The following NCAM1 variants were observed in gnomAD, a reference collection of about 807,000 sequenced individuals.
NCAM1 encodes the protein neural cell adhesion molecule 1.
NCAM1 carries 14 observed loss-of-function variants against 109.8 expected under a neutral mutation model. The ratio of observed to expected loss-of-function variants is 0.13; its 90% CI spans 0.08 to 0.20. The LOEUF is 0.20. Ranked by LOEUF, NCAM1 falls within the 10% of genes least tolerant of loss-of-function variation. The pLI is 1.00. For missense variants in NCAM1, 774 were observed against 1,109.9 expected (o/e 0.70, Z 4.30); for synonymous variants, 418 against 442.9 (o/e 0.94, Z 0.70).
chr11:113,114,325 A>G (rs1194169657), intron 1 of NCAM1, among the ~76,000 whole-genome samples: 1 of 152,188 alleles, frequency 6.6e-6, no homozygotes, highest in African/African-American at 2.4e-5. Flanking sequence ...TTCTGCTTTT[A>G]AGATGAGGTG....
intron 1 of NCAM1, among the ~76,000 whole-genome samples, chr11:113,094,574 G>A (rs888731834): frequency 6.6e-6 from 1 of 152,174 alleles, no homozygotes; most frequent in Non-Finnish European, 1.5e-5. Context: ...TCTGGCAAAA[G>A]GCTTATTGAG....
At chr11:113,020,181 C>T (rs533262142) in intron 1 of NCAM1, among the ~76,000 whole-genome samples, 3 of 152,318 alleles carry the variant, frequency 2.0e-5, no homozygotes, top group African/African-American at 7.2e-5. Context: ...AGCAGTTTTT[C>T]AGCACTCCTT....
chr11:113,099,973 A>G (rs889919953), intron 1 of NCAM1, among the ~76,000 whole-genome samples: 1 of 152,178 alleles, frequency 6.6e-6, no homozygotes, highest in Admixed American at 6.5e-5. Flanking sequence ...GGTGTGAACC[A>G]CCGCTCCCAG....
chr11:113,263,672 C>T (rs953206498), intron 17 of NCAM1: 14 of 985,450 alleles, frequency 1.4e-5, no homozygotes, highest in East Asian at 1.1e-4. Flanking sequence ...GTCTCCCAAT[C>T]GGGGTGACTC....
intron 9 of NCAM1, among the ~76,000 whole-genome samples, chr11:113,224,418 T>C (rs1250482396): frequency 6.6e-6 from 1 of 152,140 alleles, no homozygotes; most frequent in Non-Finnish European, 1.5e-5. Flanking sequence ...CTTCAGTAGG[T>C]AAACAAAGCA....
chr11:113,043,128 A>T (rs1217133816), intron 1 of NCAM1, among the ~76,000 whole-genome samples: 1 of 151,914 alleles, frequency 6.6e-6, no homozygotes, highest in Non-Finnish European at 1.5e-5. Flanking sequence ...AATGGGGGCC[A>T]TAGGAGATGA....
At chr11:113,167,529 T>G (rs547484752) in intron 1 of NCAM1, among the ~76,000 whole-genome samples, 168 of 96,552 alleles carry the variant, frequency 1.7e-3, no homozygotes, top group African/African-American at 5.3e-3. Context: ...AAACGTGTTT[T>G]TTTTTTTTTT....
At chr11:113,194,285 A>G (rs1048686417) in intron 1 of NCAM1, among the ~76,000 whole-genome samples, 1 of 152,206 alleles carries the variant, frequency 6.6e-6, no homozygotes, top group African/African-American at 2.4e-5. Flanking sequence ...ATATTAGACA[A>G]TCAATTATGA....
At chr11:113,151,086 C>T (rs1169395018) in intron 1 of NCAM1, among the ~76,000 whole-genome samples, 3 of 152,176 alleles carry the variant, frequency 2.0e-5, no homozygotes, top group African/African-American at 4.8e-5. Flanking sequence ...GGTAATGGTG[C>T]TTGTGCTCCT....
chr11:113,075,067 T>C (rs1255776269), intron 1 of NCAM1, among the ~76,000 whole-genome samples: 2 of 152,048 alleles, frequency 1.3e-5, no homozygotes, highest in Non-Finnish European at 2.9e-5. Context: ...GTTGTTGTTG[T>C]TGTTTGTTTT....
Position 113,207,323 on chromosome 11 carries a change from G to A in NCAM1, c.691G>A (p.Val231Ile), listed in dbSNP as rs782698294. ...VNATANLGQS[V>I]TLVCDAEGFP... ...TGCCACCGCCAACCTCGGCCAGTCC[G>A]TCACCCTGGTGTGCGATGCCGAAGG... Residue 231 changes from valine to isoleucine, a missense_variant, in exon 6 of 20, where the codon GTC becomes ATC. Physicochemically the swap from Val to Ile is conservative, Grantham distance 29. This residue lies in a region of NCAM1 where 523 missense variants were observed against 784.2 expected (regional missense o/e 0.67). Transcript: ENST00000316851. 19 of 1,613,994 alleles carry A rather than the reference G, an allele frequency of 1.2e-5. No homozygotes were observed. Among genetic ancestry groups the A allele is most frequent in the East Asian group, 2.2e-5 (1 of 44,880 alleles).
intron 1 of NCAM1, among the ~76,000 whole-genome samples, chr11:113,010,396 G>A (rs1245455249): frequency 6.6e-6 from 1 of 152,162 alleles, no homozygotes; most frequent in African/African-American, 2.4e-5. Flanking sequence ...GTGAATTAGT[G>A]AGGCTTGATT....
chr11:113,121,198 C>G (rs1381829063), intron 1 of NCAM1, among the ~76,000 whole-genome samples: 2 of 144,232 alleles, frequency 1.4e-5, no homozygotes, highest in African/African-American at 2.6e-5. Flanking sequence ...TTTGGGATAT[C>G]ATTTTCTGAG....
At chr11:113,128,106 A>T (rs954631656) in intron 1 of NCAM1, among the ~76,000 whole-genome samples, 1 of 152,112 alleles carries the variant, frequency 6.6e-6, no homozygotes, top group Non-Finnish European at 1.5e-5. Flanking sequence ...TTATTACTTA[A>T]TCCGTGCACC....
At chr11:113,099,781 T>G (rs1386825785) in intron 1 of NCAM1, among the ~76,000 whole-genome samples, 1 of 152,132 alleles carries the variant, frequency 6.6e-6, no homozygotes, top group African/African-American at 2.4e-5. Context: ...CTCCGCCTCC[T>G]GGGTTCAAGC....
intron 1 of NCAM1, among the ~76,000 whole-genome samples, chr11:113,004,941 C>T (rs1951856234): frequency 6.6e-6 from 1 of 151,566 alleles, no homozygotes; most frequent in South Asian, 2.1e-4. Context: ...ATCTTTTGGC[C>T]CTTCTGTTCT....
intron 1 of NCAM1, among the ~76,000 whole-genome samples, chr11:113,051,977 G>A (rs1469811283): frequency 3.3e-5 from 5 of 152,190 alleles, no homozygotes; most frequent in African/African-American, 4.8e-5. Flanking sequence ...GTACCGCACT[G>A]GTCTTCCAGA....
At position 113,139,845 on chromosome 11, in the gene NCAM1, T is replaced by C. The variant is rs544667621; in HGVS notation, c.53-62534T>C. Among the ~76,000 whole-genome samples the C allele has an allele frequency of 5.9e-5, 9 of 152,268 alleles. No individual in the cohort carries two copies. The South Asian group carries it at 1.9e-3, about 32-fold the overall frequency. On this transcript the variant is annotated intron_variant, in intron 1 of 19. Coordinates refer to ENST00000316851, the MANE Select transcript of NCAM1 (RefSeq NM_181351.5). ...ATTGATAGAAATAGACTCTCACCCATAGAAATGTGGAATATTCAATTAAAA... is the reference window on the plus strand; with the variant it reads ...ATTGATAGAAATAGACTCTCACCCACAGAAATGTGGAATATTCAATTAAAA...
chr11:113,127,619 G>A (rs782170138), intron 1 of NCAM1, among the ~76,000 whole-genome samples: 1 of 152,164 alleles, frequency 6.6e-6, no homozygotes, highest in Non-Finnish European at 1.5e-5. Context: ...TGAGAGGATA[G>A]AAATTTTTAA....
Sources: allele counts gnomAD v4.1 joint callset (sites outside exome capture counted in the v4.1 genomes callset), GRCh38; gene constraint gnomAD v4.1.1; regional missense constraint gnomAD v4.1.1; transcripts MANE v1.5; gene names NCBI Gene and HGNC (gene_info 2026-07-23, HGNC 2026-07-21).